The following TLN2 variants were observed in gnomAD, a reference collection of about 807,000 sequenced individuals.
TLN2 encodes talin-2.
TLN2 carries 118 observed loss-of-function variants against 294.7 expected under a neutral mutation model. The ratio of observed to expected loss-of-function variants is 0.40; its 90% CI spans 0.34 to 0.47. The LOEUF is 0.47. TLN2 is among the 20% of genes least tolerant of loss of function. TLN2 has a pLI of 0.84. For synonymous variants in TLN2, 1,431 were observed against 1,304.5 expected, an observed-to-expected ratio of 1.10 and a Z score of -2.09; for missense variants, 3,083 against 3,282.2, an observed-to-expected ratio of 0.94 and a Z score of 1.48.
intron 42 of TLN2, among the ~76,000 whole-genome samples, chr15:62,773,582 T>C (rs986235976): frequency 3.9e-5 from 6 of 152,156 alleles, no homozygotes; most frequent in Non-Finnish European, 7.4e-5. Context: ...TTGAGTGTTA[T>C]TCTTTGGACA....
intron 1 of TLN2, among the ~76,000 whole-genome samples, chr15:62,476,022 A>G (rs2140371817): frequency 6.6e-6 from 1 of 152,298 alleles, no homozygotes; most frequent in South Asian, 2.1e-4. Context: ...CTGTGAAAAG[A>G]GGGGCTTAGG....
intron 1 of TLN2, among the ~76,000 whole-genome samples, chr15:62,489,345 A>G (rs1488747241): frequency 6.6e-6 from 1 of 152,336 alleles, no homozygotes; most frequent in East Asian, 1.9e-4. Flanking sequence ...GCAACTTCTC[A>G]AACAGCCTAA....
intron 3 of TLN2, among the ~76,000 whole-genome samples, chr15:62,642,701 GTTTT>G: frequency 7.1e-6 from 1 of 140,674 alleles, no homozygotes; most frequent in South Asian, 2.3e-4. Flanking sequence ...TTTGTTTTCT[GTTTT>G]TTTTTTTTTT....
intron 3 of TLN2, among the ~76,000 whole-genome samples, chr15:62,627,717 C>T (rs1157109737): frequency 6.6e-6 from 1 of 152,174 alleles, no homozygotes; most frequent in East Asian, 1.9e-4. Context: ...TATGCCGTTA[C>T]ATCATTAGGA....
chr15:62,535,796 G>T (rs1336763939), intron 1 of TLN2, among the ~76,000 whole-genome samples: 1 of 152,072 alleles, frequency 6.6e-6, no homozygotes, highest in Non-Finnish European at 1.5e-5. Flanking sequence ...CTCATGATCT[G>T]CCCGCCTCAG....
At chr15:62,794,073 C>T (rs2065277458) in intron 46 of TLN2, among the ~76,000 whole-genome samples, 1 of 152,088 alleles carries the variant, frequency 6.6e-6, no homozygotes, top group South Asian at 2.1e-4. Context: ...TTGCCAAGTT[C>T]CCCCATAAAA....
intron 45 of TLN2, among the ~76,000 whole-genome samples, chr15:62,792,205 T>C (rs903994197): frequency 8.5e-5 from 13 of 152,184 alleles, no homozygotes; most frequent in African/African-American, 3.1e-4. Flanking sequence ...AATTACCCTC[T>C]AGAGCTATTT....
intron 3 of TLN2, chr15:62,637,240 C>G (rs1439572857): frequency 6.6e-6 from 1 of 152,124 alleles, no homozygotes; most frequent in Non-Finnish European, 1.5e-5. Context: ...TTTTACATTT[C>G]TATTGTATCC....
intron 2 of TLN2, among the ~76,000 whole-genome samples, chr15:62,596,511 GT>G (rs1567164991): frequency 6.6e-6 from 1 of 152,146 alleles, no homozygotes; most frequent in African/African-American, 2.4e-5. Context: ...GCCAAAGTGA[GT>G]GGATCACCTG....
At chr15:62,700,779 C>T (rs952782198) in intron 16 of TLN2, among the ~76,000 whole-genome samples, 11 of 152,098 alleles carry the variant, frequency 7.2e-5, no homozygotes, top group Admixed American at 6.5e-4. Flanking sequence ...TATGATGAAA[C>T]ATTGATTTTT....
In TLN2 at chr15:62,800,277, T is replaced by C. The variant is rs948395201; in HGVS notation, c.6235-91T>C. 23 of 1,537,332 alleles carry C rather than the reference T, an allele frequency of 1.5e-5. No homozygotes were observed. In the African/African-American group the frequency reaches 1.9e-4, roughly 13 times the overall value. On this transcript the variant is annotated intron_variant, in intron 48 of 58. Coordinates refer to ENST00000636159, the MANE Select transcript of TLN2 (RefSeq NM_015059.3). ...CAGACTGTCTTTCTCTCCTCCCCCG[T>C]GCCCTGGCCTGCCCTCAGGCTGCAT...
intron 1 of TLN2, among the ~76,000 whole-genome samples, chr15:62,540,433 A>G (rs2041614729): frequency 6.6e-6 from 1 of 151,558 alleles, no homozygotes; most frequent in Admixed American, 6.6e-5. Flanking sequence ...GTGACCTAAG[A>G]ACCAATTACA....
At chr15:62,628,434 C>A (rs1293650379) in intron 3 of TLN2, among the ~76,000 whole-genome samples, 1 of 152,216 alleles carries the variant, frequency 6.6e-6, no homozygotes, top group Non-Finnish European at 1.5e-5. Flanking sequence ...CTTAGAACAT[C>A]ATATATAGTA....
At chr15:62,707,391 T>C in intron 20 of TLN2, 138 bp downstream of exon 20, 1 of 1,069,594 alleles carries the variant, frequency 9.3e-7, no homozygotes, top group Non-Finnish European at 1.3e-6. Flanking sequence ...TCTTAAGTGA[T>C]GATAGGATTT....
chr15:62,615,764 A>G (rs2048263972), intron 2 of TLN2, among the ~76,000 whole-genome samples: 1 of 152,200 alleles, frequency 6.6e-6, no homozygotes, highest in South Asian at 2.1e-4. Context: ...TTTTCAATCA[A>G]AGGAGTCTCA....
intron 1 of TLN2, among the ~76,000 whole-genome samples, chr15:62,433,393 A>T (rs556542462): frequency 1.4e-4 from 22 of 152,244 alleles, no homozygotes; most frequent in African/African-American, 5.1e-4. Context: ...CTGAAACTCC[A>T]TAGGGCCTGC....
intron 7 of TLN2, among the ~76,000 whole-genome samples, chr15:62,655,315 A>G (rs2053084212): frequency 6.6e-6 from 1 of 151,986 alleles, no homozygotes; most frequent in Admixed American, 6.6e-5. Context: ...GAAAGTGTAG[A>G]GGGGAGTGGT....
chr15:62,678,014 C>T (rs990488051), intron 11 of TLN2, among the ~76,000 whole-genome samples: 1 of 151,838 alleles, frequency 6.6e-6, no homozygotes, highest in African/African-American at 2.4e-5. Context: ...AGGCTGGTCT[C>T]GAACTCCCTA....
chr15:62,455,854 C>T (rs1330510792), intron 1 of TLN2, among the ~76,000 whole-genome samples: 3 of 152,200 alleles, frequency 2.0e-5, no homozygotes, highest in East Asian at 1.9e-4. Context: ...GCCAGTACCC[C>T]TTCTCTACCG....
Sources: gnomAD v4.1 joint callset for allele counts (sites outside exome capture counted in the v4.1 genomes callset) on GRCh38, gnomAD v4.1.1 for gene constraint, MANE v1.5 for transcripts, NCBI Gene and HGNC (gene_info 2026-07-23, HGNC 2026-07-21) for gene names.